KCNN2: variants seen among roughly 807,000 people sequenced by gnomAD.
The protein encoded by KCNN2 is small conductance calcium-activated potassium channel protein 2.
Under a neutral mutation model 55.5 loss-of-function variants are expected in KCNN2, and 24 were observed. That is an observed-to-expected ratio of 0.43 (90% confidence interval 0.31 to 0.61). The LOEUF (loss-of-function observed/expected upper bound fraction) is 0.61, where lower values mean the gene tolerates loss of function less well. KCNN2 is among the 20% of genes least tolerant of loss of function. The pLI, the probability that KCNN2 is intolerant of heterozygous loss-of-function variation, is 0.08. For missense variants in KCNN2, 754 were observed against 853.6 expected, an observed-to-expected ratio of 0.88 and a Z score of 1.45; for synonymous variants, 431 against 336.1, an observed-to-expected ratio of 1.28 and a Z score of -3.09.
intron 3 of KCNN2, among the ~76,000 whole-genome samples, chr5:114,421,753 G>T (rs1759477628): frequency 6.6e-6 from 1 of 151,798 alleles, no homozygotes; most frequent in Non-Finnish European, 1.5e-5. Context: ...GGGATTACAG[G>T]CACCCGCCAC....
At chr5:114,214,937 G>A (rs1005291159) in intron 1 of KCNN2, among the ~76,000 whole-genome samples, 9 of 152,058 alleles carry the variant, frequency 5.9e-5, no homozygotes, top group African/African-American at 2.2e-4. Flanking sequence ...AGAAGAAACA[G>A]GTAGTATCAT....
intron 7 of KCNN2, among the ~76,000 whole-genome samples, chr5:114,495,273 A>G (rs1392142392): frequency 6.6e-6 from 1 of 152,162 alleles, no homozygotes; most frequent in Non-Finnish European, 1.5e-5. Flanking sequence ...TATTCTCTCA[A>G]TGGGTTATCT....
exon 1 of KCNN2, chr5:114,056,178 C>T: frequency 2.5e-6 from 1 of 392,816 alleles, no homozygotes; most frequent in Non-Finnish European, 4.5e-6. Flanking sequence ...CAATCAGCAG[C>T]GAGTGGGCAG....
chr5:114,362,257 C>G lies in KCNN2; in HGVS notation c.118C>G (p.Pro40Ala). Residue 40 changes from proline (P) to alanine (A), a missense_variant, in exon 1 of 8, where the codon CCC becomes GCC. This residue lies in a region of KCNN2 where 381 missense variants were observed against 259.1 expected (regional missense o/e 1.47). Coordinates refer to ENST00000673685, the MANE Select transcript of KCNN2 (RefSeq NM_021614.4). ...QQQSQDKPCPPFAPLPHPHHH... is the reference protein window; with the variant it reads ...QQQSQDKPCPAFAPLPHPHHH... Reference sequence around the variant, plus strand: ...ACAGAGCCAGGACAAGCCGTGCCCGCCCTTCGCGCCCCTCCCGCACCCTCA... The same window carrying G: ...ACAGAGCCAGGACAAGCCGTGCCCGGCCTTCGCGCCCCTCCCGCACCCTCA... 1 of 173,804 alleles carries G rather than the reference C, an allele frequency of 5.8e-6. No individual in the cohort carries two copies. The allele number at this position is 173,804 out of a possible 1,614,324, so 10.8% of individuals were successfully genotyped here.
intron 2 of KCNN2, among the ~76,000 whole-genome samples, chr5:114,241,762 A>G (rs1170607244): frequency 5.1e-5 from 1 of 19,792 alleles, no homozygotes; most frequent in Non-Finnish European, 8.8e-5. Context: ...GTATATATAT[A>G]CGTATATATA....
intron 3 of KCNN2, among the ~76,000 whole-genome samples, chr5:114,429,644 C>T (rs1377481237): frequency 2.0e-5 from 3 of 151,846 alleles, no homozygotes; most frequent in African/African-American, 7.3e-5. Context: ...GTGGATTGTG[C>T]CTTTGGAGTT....
At chr5:114,426,343 A>T (rs1262953058) in intron 3 of KCNN2, among the ~76,000 whole-genome samples, 1 of 152,064 alleles carries the variant, frequency 6.6e-6, no homozygotes, top group African/African-American at 2.4e-5. Context: ...CATAAATCCT[A>T]CTTGGTCATT....
upstream of KCNN2, chr5:114,362,023 A>T (rs1385510040): frequency 6.5e-6 from 1 of 153,288 alleles, no homozygotes; most frequent in Non-Finnish European, 1.5e-5. Context: ...CCTGGATTCT[A>T]CCGGAGCCGG....
intron 2 of KCNN2, among the ~76,000 whole-genome samples, chr5:114,311,099 C>T (rs887544862): frequency 2.6e-5 from 4 of 151,864 alleles, no homozygotes; most frequent in Admixed American, 2.0e-4. Context: ...TAACATGAAA[C>T]CTAAGTGAAC....
At chr5:114,107,551 A>ATT (rs77970294) in intron 1 of KCNN2, among the ~76,000 whole-genome samples, 20 of 148,266 alleles carry the variant, frequency 1.3e-4, no homozygotes, top group African/African-American at 3.2e-4. Flanking sequence ...TGCCTGGCTA[A>ATT]TTTTTTTTTT....
At chr5:114,109,673 G>T (rs1751555564) in intron 1 of KCNN2, among the ~76,000 whole-genome samples, 1 of 152,022 alleles carries the variant, frequency 6.6e-6, no homozygotes, top group Non-Finnish European at 1.5e-5. Context: ...TCCTTCATGT[G>T]GAGAAAGTCC....
At chr5:114,387,993 A>G (rs1377091766) in intron 2 of KCNN2, among the ~76,000 whole-genome samples, 1 of 152,184 alleles carries the variant, frequency 6.6e-6, no homozygotes, top group Admixed American at 6.5e-5. Context: ...AAACTCATGC[A>G]TATCCTTCCG....
chr5:114,312,245 G>A (rs1324814921), intron 2 of KCNN2, among the ~76,000 whole-genome samples: 2 of 151,332 alleles, frequency 1.3e-5, no homozygotes, highest in African/African-American at 4.9e-5. Context: ...CCTGCTGCTG[G>A]CTTTTTGAAC....
At chr5:114,093,147 G>A (rs569676390) in intron 1 of KCNN2, among the ~76,000 whole-genome samples, 6 of 152,052 alleles carry the variant, frequency 3.9e-5, no homozygotes, top group African/African-American at 7.2e-5. Context: ...CAAGTTCAAC[G>A]TTGAACTCTC....
At chr5:114,211,630 G>A (rs931465417) in intron 1 of KCNN2, among the ~76,000 whole-genome samples, 24 of 152,038 alleles carry the variant, frequency 1.6e-4, no homozygotes, top group Non-Finnish European at 2.6e-4. Context: ...CCTGGGTGAT[G>A]AAATAATCTA....
intron 1 of KCNN2, among the ~76,000 whole-genome samples, chr5:114,200,354 C>CT (rs959673157): frequency 3.3e-4 from 49 of 148,010 alleles, no homozygotes; most frequent in Admixed American, 6.1e-4. Flanking sequence ...AGAATTTCTG[C>CT]TTTTTTTTTT....
intron 1 of KCNN2, among the ~76,000 whole-genome samples, chr5:114,154,569 T>C (rs1221680065): frequency 6.6e-6 from 1 of 152,186 alleles, no homozygotes; most frequent in Non-Finnish European, 1.5e-5. Flanking sequence ...CTTTTACTTA[T>C]TTTCAGTGAG....
At chr5:114,459,059 A>G (rs1367803523) in intron 3 of KCNN2, among the ~76,000 whole-genome samples, 1 of 152,254 alleles carries the variant, frequency 6.6e-6, no homozygotes, top group Non-Finnish European at 1.5e-5. Context: ...GAAAGCTGTC[A>G]TATTTGTAAT....
At chr5:114,151,431 G>T (rs374128754) in intron 1 of KCNN2, among the ~76,000 whole-genome samples, 1 of 152,174 alleles carries the variant, frequency 6.6e-6, no homozygotes, top group East Asian at 1.9e-4. Flanking sequence ...GACAGCAAAG[G>T]GGGTTGTAAT....
Sources: allele counts gnomAD v4.1 joint callset (sites outside exome capture counted in the v4.1 genomes callset), GRCh38; gene constraint gnomAD v4.1.1; regional missense constraint gnomAD v4.1.1; transcripts MANE v1.5; gene names NCBI Gene and HGNC (gene_info 2026-07-23, HGNC 2026-07-21).